Variants in PRKD1 observed in about 807,000 individuals in gnomAD.
PRKD1 encodes protein kinase D1.
PRKD1 carries 63 observed loss-of-function variants against 95.9 expected under a neutral mutation model. The observed-to-expected ratio is 0.66, with a 90% confidence interval of 0.54 to 0.81. PRKD1 has a LOEUF of 0.81. PRKD1 is among the 30% of genes least tolerant of loss of function. The pLI is 0.00. For synonymous variants in PRKD1, 425 were observed against 423.1 expected (o/e 1.00, Z -0.05); for missense variants, 1,048 against 1,165.3 (o/e 0.90, Z 1.47).
chr14:29,848,678 C>T (rs1892179593), intron 1 of PRKD1, among the ~76,000 whole-genome samples: 1 of 151,562 alleles, frequency 6.6e-6, no homozygotes, highest in African/African-American at 2.4e-5. Flanking sequence ...CAAAAAATCA[C>T]AATCCATACA....
intron 13 of PRKD1, among the ~76,000 whole-genome samples, chr14:29,607,492 T>C (rs1194068828): frequency 6.6e-6 from 1 of 152,180 alleles, no homozygotes; most frequent in African/African-American, 2.4e-5. Context: ...ACTCAGGTTG[T>C]TGACAGAATC....
intron 1 of PRKD1, among the ~76,000 whole-genome samples, chr14:29,850,714 TA>T (rs537116273): frequency 4.0e-5 from 6 of 151,526 alleles, no homozygotes; most frequent in African/African-American, 1.2e-4. Context: ...TTTCATGAAT[TA>T]AAAAAAACCT....
intron 1 of PRKD1, among the ~76,000 whole-genome samples, chr14:29,870,451 A>G (rs1190382267): frequency 1.3e-5 from 2 of 152,212 alleles, no homozygotes; most frequent in Non-Finnish European, 2.9e-5. Context: ...TTTTCTGTAC[A>G]CTTTTCATAA....
intron 16 of PRKD1, among the ~76,000 whole-genome samples, chr14:29,590,867 C>T (rs914663115): frequency 6.6e-6 from 1 of 152,242 alleles, no homozygotes; most frequent in East Asian, 1.9e-4. Context: ...CACCCTCTGC[C>T]TCCTGGGTTC....
chr14:29,769,103 A>G lies in PRKD1; in HGVS notation c.265-43429T>C, dbSNP rs184038245. 2.7e-3 allele frequency among the ~76,000 whole-genome samples: 409 copies of G among 152,306 alleles called. 3 individuals are homozygous for G. Among genetic ancestry groups the G allele is most frequent in the Middle Eastern group, 6.8e-3 (2 of 294 alleles). On this transcript the variant is annotated intron_variant, in intron 1 of 17. Transcript: ENST00000331968. ...CAGGAAACGACAGAGGCATCAAGAG[A>G]TAAGAGTCCTGAAAAAAGTTAAAAA...
At chr14:29,870,072 T>C (rs1893050528) in intron 1 of PRKD1, among the ~76,000 whole-genome samples, 1 of 152,150 alleles carries the variant, frequency 6.6e-6, no homozygotes, top group African/African-American at 2.4e-5. Context: ...GTGGGGCAAA[T>C]AAAAGCAATC....
intron 1 of PRKD1, among the ~76,000 whole-genome samples, chr14:29,881,207 G>T (rs1893498609): frequency 6.6e-6 from 1 of 152,192 alleles, no homozygotes; most frequent in African/African-American, 2.4e-5. Context: ...AAGGGACCCA[G>T]GGAGAGGTAA....
intron 1 of PRKD1, among the ~76,000 whole-genome samples, chr14:29,917,734 C>T (rs948287045): frequency 6.6e-6 from 1 of 152,014 alleles, no homozygotes; most frequent in Non-Finnish European, 1.5e-5. Context: ...CTGAAACAAG[C>T]TTCAACTGTC....
At chr14:29,616,851 G>C (rs1311263115) in intron 13 of PRKD1, among the ~76,000 whole-genome samples, 1 of 152,082 alleles carries the variant, frequency 6.6e-6, no homozygotes, top group African/African-American at 2.4e-5. Flanking sequence ...TTGTTATATA[G>C]TTGAATTGAG....
intron 4 of PRKD1, among the ~76,000 whole-genome samples, chr14:29,646,019 T>A (rs1881099952): frequency 6.6e-6 from 1 of 152,162 alleles, no homozygotes; most frequent in South Asian, 2.1e-4. Flanking sequence ...TATTATTTTG[T>A]TCATCATTGT....
chr14:29,779,483 T>C (rs1459754494), intron 1 of PRKD1, among the ~76,000 whole-genome samples: 2 of 152,116 alleles, frequency 1.3e-5, no homozygotes, highest in Non-Finnish European at 2.9e-5. Flanking sequence ...AGCATTCCTA[T>C]ACACCAATAA....
At chr14:29,588,818 G>A (rs550052745) in intron 16 of PRKD1, among the ~76,000 whole-genome samples, 1 of 151,598 alleles carries the variant, frequency 6.6e-6, no homozygotes, top group East Asian at 1.9e-4. Flanking sequence ...GTGTGTGTGT[G>A]TGTGTGTGTG....
At chr14:29,831,948 G>A (rs911851128) in intron 1 of PRKD1, among the ~76,000 whole-genome samples, 4 of 152,038 alleles carry the variant, frequency 2.6e-5, no homozygotes, top group African/African-American at 9.7e-5. Context: ...GTACATCCAG[G>A]TCATTATTTT....
At chr14:29,671,065 T>C (rs987929402) in intron 2 of PRKD1, among the ~76,000 whole-genome samples, 3 of 151,574 alleles carry the variant, frequency 2.0e-5, no homozygotes, top group African/African-American at 7.3e-5. Context: ...GAGATCATAG[T>C]AGCCAAGAGA....
At chr14:29,813,137 T>C (rs2139248464) in intron 1 of PRKD1, among the ~76,000 whole-genome samples, 1 of 152,188 alleles carries the variant, frequency 6.6e-6, no homozygotes, top group South Asian at 2.1e-4. Flanking sequence ...AAGACTTCTC[T>C]CATCTATTTA....
At chr14:29,667,544 G>A (rs936846677) in intron 2 of PRKD1, among the ~76,000 whole-genome samples, 1 of 152,136 alleles carries the variant, frequency 6.6e-6, no homozygotes, top group African/African-American at 2.4e-5. Context: ...TGGTTTGGGT[G>A]CCAATCACCT....
intron 1 of PRKD1, among the ~76,000 whole-genome samples, chr14:29,754,973 T>C (rs114570329): frequency 0.012 from 1,901 of 152,188 alleles, 32 homozygotes; most frequent in African/African-American, 0.044. Context: ...TTATTAGGGT[T>C]TTAATATTTC....
At chr14:29,832,062 A>T (rs1234638377) in intron 1 of PRKD1, among the ~76,000 whole-genome samples, 1 of 152,154 alleles carries the variant, frequency 6.6e-6, no homozygotes, top group African/African-American at 2.4e-5. Context: ...ATATATTAGC[A>T]CACATCTCCT....
At chr14:29,838,658 A>G (rs1247425333) in intron 1 of PRKD1, among the ~76,000 whole-genome samples, 1 of 152,164 alleles carries the variant, frequency 6.6e-6, no homozygotes, top group Admixed American at 6.5e-5. Context: ...ATGGTTTATT[A>G]TCTAATTATT....
Sources: gnomAD v4.1 joint callset for allele counts (sites outside exome capture counted in the v4.1 genomes callset) on GRCh38, gnomAD v4.1.1 for gene constraint, MANE v1.5 for transcripts, NCBI Gene and HGNC (gene_info 2026-07-23, HGNC 2026-07-21) for gene names.